The following CRPPA variants were observed in gnomAD, a reference collection of about 807,000 sequenced individuals.
The protein encoded by CRPPA is CDP-L-ribitol pyrophosphorylase A.
A neutral mutation model predicts 52.0 loss-of-function variants in CRPPA; 43 were observed. That is an observed-to-expected ratio of 0.83 (90% CI 0.65 to 1.07). The LOEUF (loss-of-function observed/expected upper bound fraction) is 1.07. CRPPA is among the 50% of genes least tolerant of loss of function. CRPPA has a pLI of 0.00. For missense variants in CRPPA, 629 were observed against 551.7 expected (o/e 1.14, Z -1.40); for synonymous variants, 250 against 203.5 (o/e 1.23, Z -1.94).
intron 9 of CRPPA, among the ~76,000 whole-genome samples, chr7:16,098,450 G>A (rs545173931): frequency 6.6e-5 from 10 of 152,262 alleles, no homozygotes; most frequent in African/African-American, 1.9e-4. Context: ...AAAATCTCCT[G>A]AAATTCAGGT....
At chr7:16,347,984 G>A (rs1420895188) in intron 3 of CRPPA, among the ~76,000 whole-genome samples, 16 of 152,230 alleles carry the variant, frequency 1.1e-4, no homozygotes. Context: ...TGAGAGCAGT[G>A]CAGAGAAGGG....
intron 3 of CRPPA, among the ~76,000 whole-genome samples, chr7:16,342,117 T>G (rs1237683154): frequency 6.6e-6 from 1 of 152,178 alleles, no homozygotes; most frequent in Non-Finnish European, 1.5e-5. Flanking sequence ...ATGAGAACCA[T>G]AACATCTAGG....
chr7:16,197,066 G>A (rs529592952), intron 9 of CRPPA, among the ~76,000 whole-genome samples: 1 of 151,506 alleles, frequency 6.6e-6, no homozygotes, highest in Non-Finnish European at 1.5e-5. Context: ...AACAGAATAG[G>A]GTAAACATGA....
At chr7:16,218,292 C>T (rs1375376645) in intron 8 of CRPPA, among the ~76,000 whole-genome samples, 3 of 118,742 alleles carry the variant, frequency 2.5e-5, no homozygotes, top group Non-Finnish European at 3.5e-5. Flanking sequence ...CTGAAGGAAG[C>T]GCTAAACATG....
At chr7:16,275,470 G>A (rs1162749125) in intron 6 of CRPPA, among the ~76,000 whole-genome samples, 7 of 152,118 alleles carry the variant, frequency 4.6e-5, no homozygotes, top group South Asian at 2.1e-4. Context: ...GGCAAAGGAC[G>A]GCCACGGAGG....
At position 16,088,690 on chromosome 7, in the gene CRPPA, T is replaced by C. The variant is rs1684468485; in HGVS notation, c.*3005A>G. On this transcript the variant is annotated 3_prime_UTR_variant, in exon 10 of 10. Transcript: ENST00000407010. Reference sequence around the variant, plus strand: ...GCCTCGGCCTCCCAAAGTGCTGGGATTTCAGGCGTGAGCCATCGCGCCCGG... The same window carrying C: ...GCCTCGGCCTCCCAAAGTGCTGGGACTTCAGGCGTGAGCCATCGCGCCCGG... 6.5e-6 allele frequency: 1 copy of C among 154,224 alleles called. No homozygotes were observed. Among genetic ancestry groups the C allele is most frequent in the Non-Finnish European group, 1.4e-5 (1 of 69,440 alleles). 9.6% of individuals were successfully genotyped at this position (154,224 alleles called of 1,614,324 possible).
chr7:16,400,022 C>T (rs765688891), intron 2 of CRPPA, among the ~76,000 whole-genome samples: 1 of 152,164 alleles, frequency 6.6e-6, no homozygotes, highest in Non-Finnish European at 1.5e-5. Flanking sequence ...TCGCGAATGA[C>T]ATGATTAGTA....
rs151009019 is a variant in CRPPA, at chr7:16,112,007, C to G, written c.1252-20208G>C. ...ATTGTATTCATAAATTATAATATCA[C>G]TTTTTACCCCATAAACTTATATAAT... is the stretch of plus-strand genomic sequence containing the variant. On this transcript the variant is annotated intron_variant, in intron 9 of 9. Transcript: ENST00000407010. Among the ~76,000 whole-genome samples, 1,027 of 152,178 alleles carry G rather than the reference C, an allele frequency of 6.7e-3. 9 individuals carry two copies. Among genetic ancestry groups the G allele is most frequent in the Middle Eastern group, 0.017 (5 of 294 alleles).
intron 9 of CRPPA, among the ~76,000 whole-genome samples, chr7:16,129,431 A>G (rs1197930438): frequency 6.6e-6 from 1 of 152,080 alleles, no homozygotes; most frequent in Non-Finnish European, 1.5e-5. Context: ...TCCTCAAGAA[A>G]GTCTTTGATC....
intron 6 of CRPPA, among the ~76,000 whole-genome samples, chr7:16,275,116 C>T (rs1283178764): frequency 6.6e-6 from 1 of 151,786 alleles, no homozygotes; most frequent in African/African-American, 2.4e-5. Flanking sequence ...ATTGGCAGCA[C>T]ATATAAAGAC....
intron 9 of CRPPA, among the ~76,000 whole-genome samples, chr7:16,119,903 C>T (rs536606878): frequency 6.6e-6 from 1 of 152,216 alleles, no homozygotes; most frequent in Non-Finnish European, 1.5e-5. Context: ...GAGTCATTTG[C>T]AAATAAAAGG....
chr7:16,100,939 T>C (rs1173256283), intron 9 of CRPPA, among the ~76,000 whole-genome samples: 1 of 152,240 alleles, frequency 6.6e-6, no homozygotes, highest in Non-Finnish European at 1.5e-5. Context: ...GTTCCATTTA[T>C]GTGATGGATT....
intron 9 of CRPPA, among the ~76,000 whole-genome samples, chr7:16,161,087 T>G (rs936865810): frequency 3.3e-5 from 5 of 152,038 alleles, no homozygotes; most frequent in African/African-American, 1.2e-4. Context: ...TTTTCTCCAT[T>G]GTCTCATATA....
chr7:16,143,079 C>G (rs1353471400), intron 9 of CRPPA, among the ~76,000 whole-genome samples: 1 of 152,128 alleles, frequency 6.6e-6, no homozygotes, highest in Non-Finnish European at 1.5e-5. Context: ...TTATTGCAAA[C>G]AAGGTACTGA....
chr7:16,106,280 C>G (rs111932714), intron 9 of CRPPA, among the ~76,000 whole-genome samples: 4 of 152,190 alleles, frequency 2.6e-5, no homozygotes, highest in African/African-American at 9.7e-5. Flanking sequence ...TTGTCAACCA[C>G]GCATTTCTAA....
chr7:16,383,372 C>T (rs1161155021), intron 2 of CRPPA, among the ~76,000 whole-genome samples: 1 of 152,162 alleles, frequency 6.6e-6, no homozygotes, highest in East Asian at 1.9e-4. Context: ...CAGAGGAGTA[C>T]CCGGCCGTGT....
At chr7:16,256,418 C>A (rs1198596127) in intron 8 of CRPPA, among the ~76,000 whole-genome samples, 4 of 152,120 alleles carry the variant, frequency 2.6e-5, no homozygotes, top group Non-Finnish European at 5.9e-5. Context: ...ACTGGGTATA[C>A]ACCCAAAGGA....
chr7:16,327,963 C>T (rs992086521), intron 3 of CRPPA, among the ~76,000 whole-genome samples: 1 of 152,120 alleles, frequency 6.6e-6, no homozygotes, highest in African/African-American at 2.4e-5. Flanking sequence ...TTGCCCAAAG[C>T]TAAGAAAAAC....
intron 8 of CRPPA, among the ~76,000 whole-genome samples, chr7:16,240,884 A>AT (rs1413078885): frequency 6.6e-6 from 1 of 152,206 alleles, no homozygotes; most frequent in African/African-American, 2.4e-5. Flanking sequence ...AGTACCCTCT[A>AT]TGAAGCTAAA....
Sources: gnomAD v4.1 joint callset for allele counts (sites outside exome capture counted in the v4.1 genomes callset) on GRCh38, gnomAD v4.1.1 for gene constraint, MANE v1.5 for transcripts, NCBI Gene and HGNC (gene_info 2026-07-23, HGNC 2026-07-21) for gene names.